The following GPC5 variants were observed in gnomAD, a reference collection of about 807,000 sequenced individuals.
The protein encoded by GPC5 is glypican 5, also known as glypican-5.
Under a neutral mutation model 53.9 loss-of-function variants are expected in GPC5, and 47 were observed. The observed-to-expected ratio is 0.87, with a 90% CI of 0.69 to 1.11. GPC5 has a LOEUF of 1.11. Ranked by LOEUF, GPC5 falls within the 50% of genes most tolerant of loss-of-function variation. The probability of loss-of-function intolerance (pLI) is 0.00; values close to 1 mark genes in which losing one functional copy is unlikely to be tolerated. For missense variants in GPC5, 748 were observed against 713.1 expected (o/e 1.05, Z -0.56); for synonymous variants, 286 against 263.3 (o/e 1.09, Z -0.84).
At chr13:92,151,692 A>G (rs1389394648) in intron 7 of GPC5, among the ~76,000 whole-genome samples, 2 of 152,194 alleles carry the variant, frequency 1.3e-5, no homozygotes, top group African/African-American at 4.8e-5. Context: ...CTATTTTGAA[A>G]TAGTACCTCT....
intron 7 of GPC5, among the ~76,000 whole-genome samples, chr13:92,576,820 A>G (rs370091975): frequency 6.6e-6 from 1 of 152,190 alleles, no homozygotes; most frequent in East Asian, 1.9e-4. Context: ...TATCTATGTC[A>G]ATCATAAACT....
intron 2 of GPC5, among the ~76,000 whole-genome samples, chr13:91,498,239 ATTTT>A (rs60732957): frequency 3.8e-3 from 423 of 110,254 alleles, no homozygotes; most frequent in African/African-American, 0.013. Flanking sequence ...CTACCCAAAG[ATTTT>A]TTTTTTTTTT....
chr13:92,054,464 T>C (rs2041058106), intron 6 of GPC5, among the ~76,000 whole-genome samples: 1 of 152,154 alleles, frequency 6.6e-6, no homozygotes, highest in Admixed American at 6.6e-5. Context: ...ATTTTATGTA[T>C]ATTAATTTAC....
chr13:92,148,332 T>C (rs2041883185), intron 7 of GPC5, among the ~76,000 whole-genome samples: 1 of 152,084 alleles, frequency 6.6e-6, no homozygotes, highest in African/African-American at 2.4e-5. Flanking sequence ...GAGGGGTCTC[T>C]ATATTTCAAT....
chr13:92,603,259 A>G (rs9589599), intron 7 of GPC5, among the ~76,000 whole-genome samples: 11,727 of 152,198 alleles, frequency 0.077, 1,414 homozygotes, highest in African/African-American at 0.25. Flanking sequence ...GAGGACATCA[A>G]GTCTGCTCAG....
intron 7 of GPC5, among the ~76,000 whole-genome samples, chr13:92,443,271 G>A (rs1056075875): frequency 4.6e-5 from 7 of 152,134 alleles, no homozygotes; most frequent in African/African-American, 1.7e-4. Context: ...ATCCATGAGG[G>A]CTCTGCCTGC....
chr13:92,457,106 G>A (rs188835062), intron 7 of GPC5, among the ~76,000 whole-genome samples: 51 of 152,060 alleles, frequency 3.4e-4, no homozygotes, highest in Admixed American at 1.3e-3. Context: ...GCGGTATTTG[G>A]TTTTCTGTTT....
At chr13:92,719,344 T>C (rs1888436060) in intron 7 of GPC5, among the ~76,000 whole-genome samples, 1 of 152,154 alleles carries the variant, frequency 6.6e-6, no homozygotes, top group African/African-American at 2.4e-5. Flanking sequence ...CCCTGACTTT[T>C]AAGCTAAAAG....
Position 91,571,918 on chromosome 13 carries a change from A to ACACATACGTGTGTG in GPC5, c.326-121269_326-121268insCACATACGTGTGTG. The stretch of plus-strand genomic sequence containing the variant: ...ATATACACATATTGTATATATACAC[A>ACACATACGTGTGTG]TATTGTATATATACACACATGTATA... On this transcript the variant is annotated intron_variant, in intron 2 of 7. Transcript: ENST00000377067. Among the ~76,000 whole-genome samples, 2 of 108,722 alleles carry ACACATACGTGTGTG rather than the reference A, an allele frequency of 1.8e-5. 1 individual carries two copies. The allele number at this position is 108,722 out of a possible 152,430, so 71.3% of individuals were successfully genotyped here.
chr13:91,959,368 C>G (rs1018305626), intron 6 of GPC5, among the ~76,000 whole-genome samples: 4 of 151,882 alleles, frequency 2.6e-5, no homozygotes, highest in African/African-American at 7.2e-5. Context: ...TCTGAACAGA[C>G]TAATAATGAG....
chr13:91,703,891 A>C (rs191546014), intron 3 of GPC5, among the ~76,000 whole-genome samples: 52 of 152,260 alleles, frequency 3.4e-4, no homozygotes, highest in Non-Finnish European at 7.5e-4. Flanking sequence ...GTATGTTTCT[A>C]GGCATTTTTC....
At chr13:92,807,296 A>T (rs564432645) in intron 7 of GPC5, among the ~76,000 whole-genome samples, 1 of 152,232 alleles carries the variant, frequency 6.6e-6, no homozygotes, top group Non-Finnish European at 1.5e-5. Flanking sequence ...ATTTTAAAGA[A>T]AACAAAAAGA....
intron 7 of GPC5, among the ~76,000 whole-genome samples, chr13:92,768,032 C>A (rs912285313): frequency 6.6e-6 from 1 of 152,140 alleles, no homozygotes; most frequent in Non-Finnish European, 1.5e-5. Flanking sequence ...AAACCTAAGT[C>A]AGGTATTTCC....
intron 6 of GPC5, among the ~76,000 whole-genome samples, chr13:91,980,637 G>A (rs1222864473): frequency 3.3e-5 from 5 of 152,136 alleles, no homozygotes; most frequent in African/African-American, 1.2e-4. Flanking sequence ...TAAGAATCAA[G>A]TTTTTAACTG....
intron 2 of GPC5, among the ~76,000 whole-genome samples, chr13:91,453,511 T>C (rs1029247513): frequency 3.3e-5 from 5 of 152,100 alleles, no homozygotes; most frequent in Admixed American, 2.6e-4. Context: ...ACTTCAGCTA[T>C]ACTTTACAGA....
chr13:91,556,576 C>G (rs1156857288), intron 2 of GPC5, among the ~76,000 whole-genome samples: 1 of 150,882 alleles, frequency 6.6e-6, no homozygotes, highest in Non-Finnish European at 1.5e-5. Context: ...TATATACACA[C>G]ACACAGACAC....
At chr13:92,579,278 T>TCC (rs1883294542) in intron 7 of GPC5, among the ~76,000 whole-genome samples, 1 of 15,402 alleles carries the variant, frequency 6.5e-5, no homozygotes, top group Non-Finnish European at 1.1e-4. Flanking sequence ...TCCCTCCCTC[T>TCC]CTCTCTCTCT....
At chr13:92,076,323 G>A (rs949199287) in intron 6 of GPC5, among the ~76,000 whole-genome samples, 3 of 152,004 alleles carry the variant, frequency 2.0e-5, no homozygotes, top group African/African-American at 4.8e-5. Flanking sequence ...CACCTGCCTC[G>A]GCCTCCCAAA....
chr13:91,712,388 A>G (rs898943887), intron 3 of GPC5, among the ~76,000 whole-genome samples: 3 of 150,536 alleles, frequency 2.0e-5, no homozygotes, highest in East Asian at 1.9e-4. Context: ...GTGTATATAT[A>G]TGTGTGTGTG....
Sources: allele counts gnomAD v4.1 joint callset (sites outside exome capture counted in the v4.1 genomes callset), GRCh38; gene constraint gnomAD v4.1.1; transcripts MANE v1.5; gene names NCBI Gene and HGNC (gene_info 2026-07-23, HGNC 2026-07-21).